The following SERPINE3 variants were observed in gnomAD, a reference collection of about 807,000 sequenced individuals.
SERPINE3 encodes serpin E3.
SERPINE3 carries 43 observed loss-of-function variants against 41.7 expected under a neutral mutation model. The ratio of observed to expected loss-of-function variants is 1.03; its 90% CI spans 0.81 to 1.33. SERPINE3 has a LOEUF of 1.33. Ranked by LOEUF, SERPINE3 falls within the 40% of genes most tolerant of loss-of-function variation. The pLI is 0.00. For missense variants in SERPINE3, 440 were observed against 491.7 expected, an observed-to-expected ratio of 0.89 and a Z score of 0.99; for synonymous variants, 200 against 192.2, an observed-to-expected ratio of 1.04 and a Z score of -0.34.
chr13:51,355,806 C>T (rs913777723), intron 7 of SERPINE3, among the ~76,000 whole-genome samples: 1 of 152,192 alleles, frequency 6.6e-6, no homozygotes, highest in Non-Finnish European at 1.5e-5. Context: ...CCTCTCAAGA[C>T]ACCATTGGCT....
intron 4 of SERPINE3, 83 bp from the exon 5 acceptor site, chr13:51,346,942 C>A: frequency 1.0e-6 from 1 of 993,480 alleles, no homozygotes. Flanking sequence ...TTTAACTCTG[C>A]ACTCCTTGTC....
chr13:51,342,178 CAAAAA>C (rs869298134), intron 3 of SERPINE3, among the ~76,000 whole-genome samples: 8 of 63,582 alleles, frequency 1.3e-4, no homozygotes, highest in Non-Finnish European at 1.7e-4. Flanking sequence ...AAAGACAGAA[CAAAAA>C]AAAAAAAAAA....
chr13:51,361,859 G>A lies in SERPINE3; in HGVS notation c.1137G>A (p.Arg379=), dbSNP rs776327255. 6.2e-7 allele frequency: 1 copy of A among 1,611,244 alleles called. No individual in the cohort carries two copies. Among genetic ancestry groups the A allele is most frequent in the African/African-American group, 1.3e-5 (1 of 74,682 alleles). The stretch of plus-strand genomic sequence containing the variant: ...GGATTCCTATTTTTAAAGCAGATCG[G>A]CCATTCATCTATTTCCTGAGAGAAC... ...RSRIPIFKAD[R]PFIYFLREPN... is the part of the protein sequence containing the mutation. Residue 379 remains arginine (R), a synonymous_variant, in exon 9 of 10, where the codon CGG becomes CGA. Coordinates refer to ENST00000681248, the MANE Select transcript of SERPINE3 (RefSeq NM_001386375.1).
intron 7 of SERPINE3, among the ~76,000 whole-genome samples, chr13:51,360,568 A>G (rs1955557387): frequency 6.6e-6 from 1 of 152,126 alleles, no homozygotes; most frequent in South Asian, 2.1e-4. Context: ...CCTCTAAATT[A>G]TCACTTAGTC....
chr13:51,348,201 C>T lies in SERPINE3; in HGVS notation c.701-12C>T, dbSNP rs750855139. The T allele has an allele frequency of 1.2e-4, 195 of 1,568,914 alleles. No individual in the cohort carries two copies. The highest frequency in any genetic ancestry group is 1.6e-4 in the Non-Finnish European group (187 of 1,155,450). On this transcript the variant is annotated splice_polypyrimidine_tract_variant and intron_variant, in intron 5 of 9. Transcript: ENST00000681248. The stretch of plus-strand genomic sequence containing the variant: ...TGGGACAGAGCTGACCTCTGATCCA[C>T]TGTACCCTCAGGTCAGTTCCAGGAC...
At chr13:51,340,070 T>C (rs941962437) in intron 1 of SERPINE3, among the ~76,000 whole-genome samples, 3 of 152,208 alleles carry the variant, frequency 2.0e-5, no homozygotes, top group Admixed American at 6.5e-5. Flanking sequence ...ACCATCGTGC[T>C]CAGTGGCCTT....
chr13:51,360,243 T>G (rs1190220677), intron 7 of SERPINE3, among the ~76,000 whole-genome samples: 2 of 152,082 alleles, frequency 1.3e-5, no homozygotes, highest in South Asian at 2.1e-4. Flanking sequence ...CATTTTAACA[T>G]TCATGCCACA....
At chr13:51,347,423 A>G (rs2137779028) in intron 5 of SERPINE3, among the ~76,000 whole-genome samples, 189 bp downstream of exon 5, 1 of 152,328 alleles carries the variant, frequency 6.6e-6, no homozygotes, top group East Asian at 1.9e-4. Flanking sequence ...AGTGTGGGAC[A>G]GTGTGCTCTG....
chr13:51,361,654 T>C, intron 8 of SERPINE3, 156 bp from the exon 9 acceptor site: 1 of 658,416 alleles, frequency 1.5e-6, no homozygotes, highest in Non-Finnish European at 2.5e-6. Flanking sequence ...ATCTTTTCTC[T>C]TTAATTTTCC....
Position 51,348,305 on chromosome 13 carries a change from G to A in SERPINE3, c.793G>A (p.Asp265Asn), listed in dbSNP as rs1187247662. The change falls in exon 6 of 10, where the codon GAC becomes AAC. Residue 265 changes from aspartate to asparagine, a missense_variant. By Grantham distance (23) the Asp-to-Asn change is conservative. Coordinates refer to ENST00000681248, the MANE Select transcript of SERPINE3 (RefSeq NM_001386375.1). ...GAGTCTGTTCCTGGTGCTGCCCCGT[G>A]ACAAAGACACCCCCCTGAGCCACAT... Reference protein sequence around the residue: ...AVSLFLVLPRDKDTPLSHIEP... With the variant: ...AVSLFLVLPRNKDTPLSHIEP... The A allele has an allele frequency of 3.1e-6, 5 of 1,613,324 alleles. No individual in the cohort carries two copies. Among genetic ancestry groups the A allele is most frequent in the Non-Finnish European group, 4.2e-6 (5 of 1,179,690 alleles).
intron 9 of SERPINE3, 116 bp from the exon 10 acceptor site, chr13:51,364,123 C>T: frequency 2.2e-6 from 1 of 459,900 alleles, no homozygotes; most frequent in South Asian, 5.8e-5. Context: ...CTTAACAATT[C>T]CATCTATTAA....
intron 6 of SERPINE3, among the ~76,000 whole-genome samples, chr13:51,353,340 G>T (rs1463859556): frequency 9.2e-5 from 14 of 152,130 alleles, no homozygotes; most frequent in African/African-American, 3.4e-4. Context: ...ATAAGTGCAT[G>T]GGCTGTGCTG....
intron 6 of SERPINE3, among the ~76,000 whole-genome samples, chr13:51,353,790 T>A (rs1214269439): frequency 6.6e-6 from 1 of 152,224 alleles, no homozygotes. Flanking sequence ...AGACCTTTGA[T>A]ATTAAATGGT....
chr13:51,355,153 GTTC>G lies in SERPINE3; in HGVS notation c.1000+17_1000+19del, dbSNP rs1955460409. On this transcript the variant is annotated intron_variant, in intron 7 of 9. Coordinates refer to ENST00000681248, the MANE Select transcript of SERPINE3 (RefSeq NM_001386375.1). ...TTGAAAGGAATTTCAGGTAAAAACG[GTTC>G]TTCTTCCAAACGTTCTAGCCGTGTA... is the stretch of plus-strand genomic sequence containing the variant. 1 of 1,389,584 alleles carries G rather than the reference GTTC, an allele frequency of 7.2e-7. No individual in the cohort carries two copies. Among genetic ancestry groups the G allele is most frequent in the Admixed American group, 2.0e-5 (1 of 50,208 alleles). The allele number at this position is 1,389,584 out of a possible 1,614,324, so 86.1% of individuals were successfully genotyped here. A position where few individuals can be genotyped will look rare whatever the true frequency, so the allele number is the denominator to read the frequency against.
chr13:51,350,124 C>T (rs1056391059), intron 6 of SERPINE3, among the ~76,000 whole-genome samples: 4 of 151,988 alleles, frequency 2.6e-5, no homozygotes, highest in African/African-American at 4.8e-5. Flanking sequence ...AGGCATTTTT[C>T]GTTTAACAAG....
chr13:51,346,479 G>A (rs1017842105), intron 4 of SERPINE3, among the ~76,000 whole-genome samples: 1 of 152,048 alleles, frequency 6.6e-6, no homozygotes, highest in African/African-American at 2.4e-5. Context: ...TAAAAAGCAG[G>A]GTCTTCAGCA....
At chr13:51,355,227 G>A in intron 7 of SERPINE3, 84 bp downstream of exon 7, 1 of 523,200 alleles carries the variant, frequency 1.9e-6, no homozygotes, top group Non-Finnish European at 3.4e-6. Flanking sequence ...TCTCATTTCA[G>A]AGTCAACATT....
In SERPINE3 at chr13:51,349,648, C is replaced by T. The variant is rs181617885; in HGVS notation, c.899+1237C>T. Reference sequence around the variant, plus strand: ...AGCAGTTCTTCCCTGGAAGAGACCCCGGGGAAATTCCCAGCTCCACTGAGA... The same window carrying T: ...AGCAGTTCTTCCCTGGAAGAGACCCTGGGGAAATTCCCAGCTCCACTGAGA... On this transcript the variant is annotated intron_variant, in intron 6 of 9. Transcript: ENST00000681248. 4.6e-5 allele frequency among the ~76,000 whole-genome samples: 7 copies of T among 152,098 alleles called. No homozygotes were observed. The East Asian group carries it at 5.8e-4, about 13-fold the overall frequency.
At chr13:51,360,948 T>C (rs1206372335) in intron 7 of SERPINE3, among the ~76,000 whole-genome samples, 1 of 152,058 alleles carries the variant, frequency 6.6e-6, no homozygotes, top group East Asian at 1.9e-4. Context: ...GGAGGGATTG[T>C]AGTTTTAACT....
Sources: allele counts gnomAD v4.1 joint callset (sites outside exome capture counted in the v4.1 genomes callset), GRCh38; gene constraint gnomAD v4.1.1; transcripts MANE v1.5; gene names NCBI Gene and HGNC (gene_info 2026-07-23, HGNC 2026-07-21).